Variants in WDFY2 observed in about 807,000 individuals in gnomAD.
The protein encoded by WDFY2 is WD repeat and FYVE domain containing 2.
WDFY2 carries 36 observed loss-of-function variants against 56.4 expected under a neutral mutation model. That is an observed-to-expected ratio of 0.64 (90% CI 0.49 to 0.84). The LOEUF is 0.84. Ranked by LOEUF, WDFY2 falls within the 40% of genes least tolerant of loss-of-function variation. The pLI is 0.00. For missense variants in WDFY2, 444 were observed against 512.2 expected, an observed-to-expected ratio of 0.87 and a Z score of 1.29; for synonymous variants, 176 against 183.7, an observed-to-expected ratio of 0.96 and a Z score of 0.34.
At chr13:51,600,485 T>G (rs1051440453) in intron 1 of WDFY2, among the ~76,000 whole-genome samples, 15 of 152,246 alleles carry the variant, frequency 9.9e-5, no homozygotes, top group Non-Finnish European at 2.2e-4. Context: ...TGTTTCTTTC[T>G]TAGTCCACAT....
intron 3 of WDFY2, among the ~76,000 whole-genome samples, chr13:51,696,973 A>G (rs1951889940): frequency 6.6e-6 from 1 of 152,226 alleles, no homozygotes; most frequent in Non-Finnish European, 1.5e-5. Context: ...ATGCAAATAG[A>G]TAAGAAAAAC....
chr13:51,638,435 G>A (rs571461930), intron 1 of WDFY2, among the ~76,000 whole-genome samples: 14 of 152,276 alleles, frequency 9.2e-5, no homozygotes, highest in African/African-American at 2.4e-4. Context: ...TATTCTCTGC[G>A]TTTAAATTTT....
At chr13:51,732,434 G>A (rs896079490) in intron 6 of WDFY2, among the ~76,000 whole-genome samples, 2 of 152,092 alleles carry the variant, frequency 1.3e-5, no homozygotes, top group Non-Finnish European at 2.9e-5. Context: ...ATCATATTTT[G>A]ACCACTGGAA....
At chr13:51,705,213 G>T (rs1952058940) in intron 4 of WDFY2, among the ~76,000 whole-genome samples, 2 of 152,204 alleles carry the variant, frequency 1.3e-5, no homozygotes, top group Non-Finnish European at 2.9e-5. Context: ...TACTATGTAA[G>T]AGAGTTCGGA....
At chr13:51,695,753 C>G (rs1000050857) in intron 3 of WDFY2, among the ~76,000 whole-genome samples, 1 of 152,238 alleles carries the variant, frequency 6.6e-6, no homozygotes, top group African/African-American at 2.4e-5. Flanking sequence ...GAGGTTACTG[C>G]TGTCTTTTTG....
intron 4 of WDFY2, among the ~76,000 whole-genome samples, chr13:51,716,949 T>C (rs552488975): frequency 1.3e-5 from 2 of 152,274 alleles, no homozygotes; most frequent in Admixed American, 1.3e-4. Context: ...TTATATTAAT[T>C]AATGTGGGAA....
At chr13:51,631,956 A>G (rs992877536) in intron 1 of WDFY2, among the ~76,000 whole-genome samples, 3 of 152,160 alleles carry the variant, frequency 2.0e-5, no homozygotes, top group African/African-American at 7.2e-5. Context: ...TTCCTTAAGA[A>G]TATTTCTACA....
intron 2 of WDFY2, among the ~76,000 whole-genome samples, chr13:51,663,044 C>T (rs1042035573): frequency 1.3e-5 from 2 of 152,076 alleles, no homozygotes; most frequent in Non-Finnish European, 2.9e-5. Context: ...TGTCTGTAAT[C>T]CCAGTGTTGT....
At chr13:51,635,368 T>C (rs539666097) in intron 1 of WDFY2, among the ~76,000 whole-genome samples, 1 of 152,240 alleles carries the variant, frequency 6.6e-6, no homozygotes, top group Non-Finnish European at 1.5e-5. Context: ...CAGAACAGCA[T>C]GTATTTTGTC....
intron 1 of WDFY2, among the ~76,000 whole-genome samples, chr13:51,651,267 T>G (rs1015642288): frequency 6.6e-5 from 10 of 152,244 alleles, no homozygotes; most frequent in African/African-American, 1.9e-4. Context: ...GATATCCCCT[T>G]TATCATTTTT....
At chr13:51,751,502 C>A in intron 8 of WDFY2, 87 bp downstream of exon 8, 1 of 1,275,256 alleles carries the variant, frequency 7.8e-7, no homozygotes. Flanking sequence ...TATGATTAAA[C>A]CATGAAATAA....
intron 2 of WDFY2, among the ~76,000 whole-genome samples, chr13:51,673,781 T>C (rs989112276): frequency 1.3e-5 from 2 of 152,220 alleles, no homozygotes; most frequent in South Asian, 4.1e-4. Flanking sequence ...ATTTGATTGC[T>C]GTTTTCAGGA....
intron 1 of WDFY2, among the ~76,000 whole-genome samples, chr13:51,600,246 C>G (rs1466872388): frequency 2.0e-5 from 3 of 152,086 alleles, no homozygotes; most frequent in Admixed American, 6.5e-5. Flanking sequence ...TCAGTTGTGT[C>G]CTAATGATAT....
At chr13:51,627,078 G>A (rs918031244) in intron 1 of WDFY2, among the ~76,000 whole-genome samples, 1 of 152,262 alleles carries the variant, frequency 6.6e-6, no homozygotes, top group Non-Finnish European at 1.5e-5. Flanking sequence ...ATGCCAGCCT[G>A]TGGCTGGACC....
At chr13:51,646,727 C>T (rs1194840731) in intron 1 of WDFY2, among the ~76,000 whole-genome samples, 1 of 152,166 alleles carries the variant, frequency 6.6e-6, no homozygotes, top group African/African-American at 2.4e-5. Context: ...CTTGGAAAAT[C>T]CAAGTTGTCA....
At position 51,584,924 on chromosome 13, in the gene WDFY2, A is replaced by T. The variant is rs528476029; in HGVS notation, c.137+100A>T. ...TGCCTTCACGTCGGCGCGAGTGTAG[A>T]CTTGCTCCCCCAAGTTTTATTGTAA... On this transcript the variant is annotated intron_variant, in intron 1 of 11. Coordinates refer to ENST00000298125, the MANE Select transcript of WDFY2 (RefSeq NM_052950.4). 1.4e-4 allele frequency: 214 copies of T among 1,495,574 alleles called. No homozygotes were observed. The African/African-American group carries it at 2.6e-3, about 18-fold the overall frequency. 92.6% of individuals were successfully genotyped at this position (1,495,574 alleles called of 1,614,324 possible).
chr13:51,636,896 A>G (rs760488264), intron 1 of WDFY2, among the ~76,000 whole-genome samples: 6 of 152,248 alleles, frequency 3.9e-5, no homozygotes, highest in Non-Finnish European at 8.8e-5. Context: ...CACATGTGAA[A>G]AAATGATCTT....
At chr13:51,707,859 T>G (rs1952117667) in intron 4 of WDFY2, among the ~76,000 whole-genome samples, 1 of 149,244 alleles carries the variant, frequency 6.7e-6, no homozygotes, top group Non-Finnish European at 1.5e-5. Flanking sequence ...GGTTCTAGAA[T>G]GCTATACACA....
At chr13:51,734,436 C>T (rs1003205081) in intron 6 of WDFY2, among the ~76,000 whole-genome samples, 11 of 152,082 alleles carry the variant, frequency 7.2e-5, no homozygotes, top group African/African-American at 2.4e-4. Context: ...AAGATACATA[C>T]GTGGGAGATA....
Sources: gnomAD v4.1 joint callset for allele counts (sites outside exome capture counted in the v4.1 genomes callset) on GRCh38, gnomAD v4.1.1 for gene constraint, MANE v1.5 for transcripts, NCBI Gene and HGNC (gene_info 2026-07-23, HGNC 2026-07-21) for gene names.